NBEAL1: variants seen among roughly 807,000 people sequenced by gnomAD.
The protein encoded by NBEAL1 is neurobeachin like 1, also known as neurobeachin-like protein 1.
In NBEAL1, 273 loss-of-function variants were observed where a neutral mutation model predicts 351.3. That is an observed-to-expected ratio of 0.78 (90% CI 0.70 to 0.86). The LOEUF (loss-of-function observed/expected upper bound fraction) is 0.86, where lower values mean the gene tolerates loss of function less well. Among genes scored for constraint, NBEAL1 ranks in the 40% least tolerant of loss-of-function variants. The probability of loss-of-function intolerance (pLI) is 0.00; values close to 1 mark genes in which losing one functional copy is unlikely to be tolerated. For missense variants in NBEAL1, 2,961 were observed against 3,201.3 expected (o/e 0.92, Z 1.81); for synonymous variants, 1,050 against 1,086.4 (o/e 0.97, Z 0.66).
intron 7 of NBEAL1, chr2:203,075,292 A>G (rs1000968847): frequency 6.6e-6 from 1 of 152,194 alleles, no homozygotes; most frequent in Non-Finnish European, 1.5e-5. Flanking sequence ...TCCACTTTTC[A>G]TCATGAATAA....
At chr2:203,074,824 C>G (rs1463692497) in intron 7 of NBEAL1, 1 of 171,060 alleles carries the variant, frequency 5.8e-6, no homozygotes. Context: ...CATGGCCTGT[C>G]TGATCTGTTG....
Position 203,157,777 on chromosome 2 carries a change from A to G in NBEAL1, c.5666A>G (p.Glu1889Gly). Residue 1889 changes from glutamate to glycine, a missense_variant, in exon 36 of 56, where the codon GAG becomes GGG. Coordinates refer to ENST00000683969, the MANE Select transcript of NBEAL1 (RefSeq NM_001378026.1). ...CAAGTAAAAGTTAGTGATATGGTGG[A>G]GGATAAATTAGACCTTCCTGAAGAG... ...VKQVKVSDMV[E>G]DKLDLPEEDI... 6.3e-7 allele frequency: 1 copy of G among 1,593,648 alleles called. No individual in the cohort carries two copies. Among genetic ancestry groups the G allele is most frequent in the African/African-American group, 1.4e-5 (1 of 74,050 alleles).
At chr2:203,075,317 A>T (rs2061752581) in intron 7 of NBEAL1, among the ~76,000 whole-genome samples, 1 of 152,094 alleles carries the variant, frequency 6.6e-6, no homozygotes, top group South Asian at 2.1e-4. Flanking sequence ...CCTTGCCTTG[A>T]TTATATTTCT....
chr2:203,117,349 G>A (rs2062723272), intron 18 of NBEAL1, among the ~76,000 whole-genome samples: 1 of 152,002 alleles, frequency 6.6e-6, no homozygotes, highest in South Asian at 2.1e-4. Context: ...TGTAGTCCCA[G>A]CTACTCTGGA....
chr2:203,084,207 A>C (rs1330485984), intron 9 of NBEAL1, among the ~76,000 whole-genome samples: 2 of 152,216 alleles, frequency 1.3e-5, no homozygotes, highest in African/African-American at 4.8e-5. Flanking sequence ...CATTAGAGCT[A>C]AACTAGGAAA....
intron 41 of NBEAL1, 77 bp downstream of exon 41, chr2:203,172,930 A>C: frequency 1.5e-6 from 2 of 1,354,132 alleles, no homozygotes; most frequent in East Asian, 2.6e-5. Context: ...ATGGCCAACC[A>C]AAAAAATTTT....
rs78593916 is a variant in NBEAL1 at position 203,209,007 on chromosome 2, G to C, written c.7624-154G>C. ...ATAAAATACTATTTGAAATTTCGAA[G>C]TTGGAATTTTTCCTAAGGTGCATGT... On this transcript the variant is annotated intron_variant, in intron 52 of 55. Coordinates refer to ENST00000683969, the MANE Select transcript of NBEAL1 (RefSeq NM_001378026.1). 3.9e-3 allele frequency among the ~76,000 whole-genome samples: 598 copies of C among 152,268 alleles called. 7 individuals carry two copies. Among genetic ancestry groups the C allele is most frequent in the African/African-American group, 0.014 (568 of 41,554 alleles).
Position 203,193,815 on chromosome 2 carries a change from A to T in NBEAL1, c.6942A>T (p.Leu2314Phe). 3.1e-6 allele frequency: 5 copies of T among 1,611,726 alleles called. No individual in the cohort carries two copies. The highest frequency in any genetic ancestry group is 3.4e-6 in the Non-Finnish European group (4 of 1,178,752). ...TGAAGGAACCACACCCTCCAAGATT[A>T]TCAGCAGAAGAAGCAGTGCAGAAGC... ...QLLKEPHPPR[L>F]SAEEAVQKPT... Residue 2314 changes from leucine to phenylalanine, a missense_variant, in exon 47 of 56, where the codon TTA (leucine) becomes TTT (phenylalanine). Leu to Phe is a conservative substitution (Grantham distance 22). Coordinates refer to ENST00000683969, the MANE Select transcript of NBEAL1 (RefSeq NM_001378026.1).
intron 3 of NBEAL1, among the ~76,000 whole-genome samples, chr2:203,047,224 G>A (rs1454247118): frequency 6.6e-6 from 1 of 150,656 alleles, no homozygotes. Context: ...GGCAACAAGA[G>A]CGAAACTCCA....
chr2:203,197,441 A>G, intron 48 of NBEAL1, 50 bp downstream of exon 48: 1 of 1,211,780 alleles, frequency 8.3e-7, no homozygotes, highest in South Asian at 1.3e-5. Context: ...ATTCATTACA[A>G]CTTAGAAAAA....
chr2:203,152,487 G>A (rs1004184714), intron 35 of NBEAL1, among the ~76,000 whole-genome samples: 3 of 151,578 alleles, frequency 2.0e-5, no homozygotes, highest in Non-Finnish European at 4.4e-5. Flanking sequence ...CTACTCAGGA[G>A]GCTGAGGCAG....
intron 35 of NBEAL1, among the ~76,000 whole-genome samples, chr2:203,152,353 A>G (rs1313489914): frequency 1.0e-5 from 1 of 99,344 alleles, no homozygotes; most frequent in Non-Finnish European, 2.1e-5. Context: ...CTTTTTCTAG[A>G]AAAAAAAAAA....
chr2:203,136,514 C>T, intron 28 of NBEAL1, 85 bp from the exon 29 acceptor site: 1 of 989,014 alleles, frequency 1.0e-6, no homozygotes, highest in Non-Finnish European at 1.5e-6. Flanking sequence ...TAAATGATTA[C>T]AATGAGTATA....
At position 203,138,763 on chromosome 2, in the gene NBEAL1, T is replaced by C. The variant is rs1362278066; in HGVS notation, c.4848+15T>C. ...GTAATTTGCAGGTTTGTCCATTCTT[T>C]TATATTATTTTCTGTGCTTGCATGC... On this transcript the variant is annotated intron_variant, in intron 31 of 55. Transcript: ENST00000683969. The C allele has an allele frequency of 2.5e-6, 4 of 1,599,832 alleles. No individual in the cohort carries two copies. In the East Asian group the frequency reaches 6.7e-5, roughly 27 times the overall value.
intron 2 of NBEAL1, among the ~76,000 whole-genome samples, chr2:203,019,884 T>C (rs918904797): frequency 5.9e-5 from 9 of 152,160 alleles, no homozygotes; most frequent in African/African-American, 2.2e-4. Context: ...GTCCTTTAAG[T>C]AGAATTAAAA....
Position 203,167,267 on chromosome 2 carries a change from A to C in NBEAL1, c.5904A>C (p.Arg1968=), listed in dbSNP as rs2064161830. 1 of 1,611,662 alleles carries C rather than the reference A, an allele frequency of 6.2e-7. No individual in the cohort carries two copies. Among genetic ancestry groups the C allele is most frequent in the Non-Finnish European group, 8.5e-7 (1 of 1,179,100 alleles). The change falls in exon 38 of 56, where the codon CGA becomes CGC. Residue 1968 remains arginine, a synonymous_variant. Transcript: ENST00000683969. The part of the protein sequence containing the change: ...FDFKWPHSQI[R]EIHLRRYNLR... ...TCAAGTGGCCTCATTCTCAAATTCG[A>C]GAGATTCATCTCCGGCGTTACAATT...
intron 43 of NBEAL1, chr2:203,182,048 A>T (rs1020888883): frequency 5.9e-5 from 9 of 152,250 alleles, no homozygotes; most frequent in African/African-American, 2.2e-4. Flanking sequence ...GAAAGCAAAT[A>T]TATCAATTAG....
chr2:203,167,462 A>G, intron 38 of NBEAL1, 102 bp downstream of exon 38: 1 of 1,173,340 alleles, frequency 8.5e-7, no homozygotes, highest in Non-Finnish European at 1.2e-6. Flanking sequence ...TTATCAAGAC[A>G]AAATGTTAGA....
intron 53 of NBEAL1, 80 bp from the exon 54 acceptor site, chr2:203,210,878 G>A: frequency 1.4e-6 from 1 of 738,020 alleles, no homozygotes; most frequent in Non-Finnish European, 2.1e-6. Context: ...TAATTATTCT[G>A]TTATAGTCAG....
Sources: gnomAD v4.1 joint callset for allele counts (sites outside exome capture counted in the v4.1 genomes callset) on GRCh38, gnomAD v4.1.1 for gene constraint, MANE v1.5 for transcripts, NCBI Gene and HGNC (gene_info 2026-07-23, HGNC 2026-07-21) for gene names.